PRMT8: variants seen among roughly 807,000 people sequenced by gnomAD.
PRMT8 encodes the protein protein arginine N-methyltransferase 8.
In PRMT8, 7 loss-of-function variants were observed where a neutral mutation model predicts 47.1. The observed-to-expected ratio is 0.15, with a 90% CI of 0.08 to 0.28. The LOEUF (loss-of-function observed/expected upper bound fraction) is 0.28, where lower values mean the gene tolerates loss of function less well. Ranked by LOEUF, PRMT8 falls within the 10% of genes least tolerant of loss-of-function variation. PRMT8 has a pLI of 1.00. For missense variants in PRMT8, 237 were observed against 505.4 expected, an observed-to-expected ratio of 0.47 and a Z score of 5.09; for synonymous variants, 188 against 186.5, an observed-to-expected ratio of 1.01 and a Z score of -0.07.
At chr12:3,418,137 TGTTCTGAAAGATTTTCCCATCTAG>T (rs1864502540) in intron 1 of PRMT8, among the ~76,000 whole-genome samples, 1 of 152,250 alleles carries the variant, frequency 6.6e-6, no homozygotes, top group Non-Finnish European at 1.5e-5. Flanking sequence ...CAGCACCTGC[TGTTCTGAAAGATTTTCCCATCTAG>T]GCCCCAGCCA....
chr12:3,405,276 G>A (rs372519083), intron 1 of PRMT8, among the ~76,000 whole-genome samples: 14 of 152,054 alleles, frequency 9.2e-5, no homozygotes, highest in African/African-American at 3.1e-4. Flanking sequence ...GAGGGTAATC[G>A]CCCTCATGAT....
rs779899991 is a variant in PRMT8 at position 3,388,041 on chromosome 12, T to TTTCCTTCCTTCCTTCC, written c.48+6612_48+6613insTCCTTCCTTCCTTCCT. 9.5e-5 allele frequency among the ~76,000 whole-genome samples: 13 copies of TTTCCTTCCTTCCTTCC among 136,172 alleles called. No homozygotes were observed. The South Asian group carries it at 1.9e-3, about 20-fold the overall frequency. 89.3% of individuals were successfully genotyped at this position (136,172 alleles called of 152,430 possible). ...CCTCCCTTCCCTTCCTTTCTCCTTC[T>TTTCCTTCCTTCCTTCC]TTCCTTCCTTCCTCCCTCCCTCCCT... On this transcript the variant is annotated intron_variant, in intron 1 of 9. Transcript: ENST00000452611.
At chr12:3,405,907 T>A (rs1864368366) in intron 1 of PRMT8, among the ~76,000 whole-genome samples, 1 of 152,202 alleles carries the variant, frequency 6.6e-6, no homozygotes, top group South Asian at 2.1e-4. Flanking sequence ...TTCTCACAGC[T>A]CCACTAGGCA....
At chr12:3,549,085 T>C (rs537982158) in intron 2 of PRMT8, among the ~76,000 whole-genome samples, 67 of 152,318 alleles carry the variant, frequency 4.4e-4, no homozygotes, top group Non-Finnish European at 8.5e-4. Flanking sequence ...GCTTTGGTGA[T>C]AGAAATCAGA....
At chr12:3,524,469 G>A (rs1565430773) in intron 1 of PRMT8, among the ~76,000 whole-genome samples, 2 of 150,942 alleles carry the variant, frequency 1.3e-5, no homozygotes, top group Non-Finnish European at 2.9e-5. Flanking sequence ...GCCCTCACCC[G>A]AACCAAAGAA....
rs1698920621 is a variant in PRMT8, at chr12:3,435,456, TCAAAACTGCC to T, written c.48+54015_48+54024del. On this transcript the variant is annotated intron_variant, in intron 1 of 9. Transcript: ENST00000452611. Reference sequence around the variant, plus strand: ...TGCAGTTCATCCTGCAGAAATGCTTTCAAAACTGCCAAGTGCCATATGGCTGTAGAAATGA... The same window carrying T: ...TGCAGTTCATCCTGCAGAAATGCTTTAAGTGCCATATGGCTGTAGAAATGA... Among the ~76,000 whole-genome samples, 7 of 152,056 alleles carry T rather than the reference TCAAAACTGCC, an allele frequency of 4.6e-5. No individual in the cohort carries two copies. In the South Asian group the frequency reaches 1.5e-3, roughly 32 times the overall value.
At chr12:3,415,271 C>T (rs1355638500) in intron 1 of PRMT8, among the ~76,000 whole-genome samples, 1 of 152,172 alleles carries the variant, frequency 6.6e-6, no homozygotes. Context: ...GTGCCACTCT[C>T]CAGGTGCCTC....
Position 3,480,263 on chromosome 12 carries a change from G to A in PRMT8, c.49-60343G>A, listed in dbSNP as rs11062670. Among the ~76,000 whole-genome samples, 453 of 152,274 alleles carry A rather than the reference G, an allele frequency of 3.0e-3. 12 individuals carry two copies. In the East Asian group the frequency reaches 0.064, roughly 21 times the overall value. On this transcript the variant is annotated intron_variant, in intron 1 of 9. Coordinates refer to the PRMT8 transcript ENST00000452611. Reference sequence around the variant, plus strand: ...TGTTTTTTTAAAGAAAAACAACCTGGAAGGTAGGTAGGGTTGGTTATTCTT... The same window carrying A: ...TGTTTTTTTAAAGAAAAACAACCTGAAAGGTAGGTAGGGTTGGTTATTCTT...
chr12:3,449,514 T>C (rs1270215869), intron 1 of PRMT8, among the ~76,000 whole-genome samples: 1 of 152,252 alleles, frequency 6.6e-6, no homozygotes, highest in Admixed American at 6.5e-5. Context: ...TTCATATGTT[T>C]GTTGGCTGCA....
chr12:3,408,301 T>G (rs1864393239), intron 1 of PRMT8, among the ~76,000 whole-genome samples: 1 of 152,108 alleles, frequency 6.6e-6, no homozygotes, highest in Admixed American at 6.5e-5. Context: ...TGGTGTGATT[T>G]CAGCTCACTG....
intron 1 of PRMT8, among the ~76,000 whole-genome samples, chr12:3,537,863 G>A (rs532420782): frequency 6.6e-6 from 1 of 152,182 alleles, no homozygotes; most frequent in South Asian, 2.1e-4. Context: ...TTCATACTTT[G>A]CCTCTCTTCC....
rs924860738 is a variant in PRMT8, at chr12:3,409,101, A to G, written c.48+27659A>G. ...CCTGGGCCCAGGCTCTCACAAACCT[A>G]CTGTGGCACCTGGGACTTGGGGTGA... On this transcript the variant is annotated intron_variant, in intron 1 of 9. Coordinates refer to the PRMT8 transcript ENST00000452611. The surrounding 1 kb of genome is among the most constrained non-coding windows in gnomAD (Gnocchi z 4.4). Among the ~76,000 whole-genome samples the G allele has an allele frequency of 6.6e-6, 1 of 152,190 alleles. No individual in the cohort carries two copies. Among genetic ancestry groups the G allele is most frequent in the South Asian group, 2.1e-4 (1 of 4,812 alleles).
At position 3,428,197 on chromosome 12, in the gene PRMT8, G is replaced by C. The variant is rs532829997; in HGVS notation, c.48+46755G>C. Among the ~76,000 whole-genome samples, 340 of 151,894 alleles carry C rather than the reference G, an allele frequency of 2.2e-3. 1 individual carries two copies. Among genetic ancestry groups the C allele is most frequent in the Non-Finnish European group, 4.3e-3 (294 of 67,966 alleles). On this transcript the variant is annotated intron_variant, in intron 1 of 9. Coordinates refer to the PRMT8 transcript ENST00000452611. ...GATCTCCTGCTGGGAAACCTGCTGG[G>C]TTAAGGGAATTTTCAGTGGCTAATG...
At chr12:3,468,452 G>T (rs766996653) in intron 1 of PRMT8, among the ~76,000 whole-genome samples, 6 of 152,020 alleles carry the variant, frequency 3.9e-5, no homozygotes, top group Non-Finnish European at 7.4e-5. Context: ...CTCTGATATG[G>T]GTCCCATGGG....
At chr12:3,584,989 CT>C (rs1170797415) in intron 8 of PRMT8, among the ~76,000 whole-genome samples, 1 of 152,150 alleles carries the variant, frequency 6.6e-6, no homozygotes, top group South Asian at 2.1e-4. Flanking sequence ...TACCTAGCTT[CT>C]TTTTTTAAAC....
chr12:3,414,072 G>C (rs1565401793), intron 1 of PRMT8, among the ~76,000 whole-genome samples: 1 of 152,142 alleles, frequency 6.6e-6, no homozygotes, highest in African/African-American at 2.4e-5. Flanking sequence ...TGGAATATAG[G>C]TGAGTTACTC....
At chr12:3,463,276 C>T (rs1865058554) in intron 1 of PRMT8, 1 of 152,178 alleles carries the variant, frequency 6.6e-6, no homozygotes, top group Admixed American at 6.5e-5. Flanking sequence ...TTTCTAATTC[C>T]TGGCTTCAGA....
chr12:3,528,599 T>G (rs1865979319), intron 1 of PRMT8, among the ~76,000 whole-genome samples: 1 of 152,210 alleles, frequency 6.6e-6, no homozygotes, highest in Non-Finnish European at 1.5e-5. Flanking sequence ...CTTTAATGTC[T>G]TATATACTAA....
At position 3,549,908 on chromosome 12, in the gene PRMT8, C is replaced by T. The variant is rs531494713; in HGVS notation, c.262-28C>T. ...CACCCAGGTGTCTTGAATTCACTGACATTTCCTTTCTTTTCCCTCCATCAC... is the reference window on the plus strand; with the variant it reads ...CACCCAGGTGTCTTGAATTCACTGATATTTCCTTTCTTTTCCCTCCATCAC... On this transcript the variant is annotated intron_variant, in intron 2 of 9. Coordinates refer to ENST00000382622, the MANE Select transcript of PRMT8 (RefSeq NM_019854.5). 170 of 1,610,628 alleles carry T rather than the reference C, an allele frequency of 1.1e-4. 1 individual carries two copies. The Admixed American group carries it at 2.0e-3, about 19-fold the overall frequency.
Sources: allele counts gnomAD v4.1 joint callset (sites outside exome capture counted in the v4.1 genomes callset), GRCh38; gene constraint gnomAD v4.1.1; non-coding constraint Gnocchi (gnomAD v3.1); transcripts MANE v1.5; gene names NCBI Gene and HGNC (gene_info 2026-07-23, HGNC 2026-07-21).